Variants in CARD8 observed in about 807,000 individuals in gnomAD.
The protein encoded by CARD8 is caspase recruitment domain-containing protein 8.
CARD8 carries 38 observed loss-of-function variants against 53.2 expected under a neutral mutation model. The ratio of observed to expected loss-of-function variants is 0.71; its 90% CI spans 0.55 to 0.94. CARD8 has a LOEUF of 0.94. Among genes scored for constraint, CARD8 ranks in the 40% least tolerant of loss-of-function variants. CARD8 has a pLI of 0.00. For missense variants in CARD8, 561 were observed against 655.5 expected (o/e 0.86, Z 1.57); for synonymous variants, 245 against 244.9 (o/e 1.00, Z 0.00).
At chr19:48,250,459 CT>C (rs1295578357) in intron 1 of CARD8, among the ~76,000 whole-genome samples, 4 of 152,228 alleles carry the variant, frequency 2.6e-5, no homozygotes, top group African/African-American at 4.8e-5. Flanking sequence ...AAGACCCCCC[CT>C]CTTCATGGCT....
intron 4 of CARD8, 35 bp from the exon 5 acceptor site, chr19:48,238,567 T>A: frequency 2.0e-6 from 3 of 1,531,062 alleles, no homozygotes; most frequent in Non-Finnish European, 1.7e-6. Context: ...AATGTGAGCA[T>A]GTCAGAGGAG....
At chr19:48,232,887 ATC>A (rs2043172942) in intron 6 of CARD8, 1 of 425,042 alleles carries the variant, frequency 2.4e-6, no homozygotes, top group East Asian at 6.9e-5. Flanking sequence ...GTGTCTTGAC[ATC>A]TCTCCTTCTT....
intron 12 of CARD8, among the ~76,000 whole-genome samples, 184 bp downstream of exon 12, chr19:48,218,687 A>G (rs2039877850): frequency 1.3e-5 from 2 of 151,816 alleles, no homozygotes; most frequent in African/African-American, 4.8e-5. Context: ...CTCCCTTCCC[A>G]CATCACCCAA....
At position 48,235,142 on chromosome 19, in the gene CARD8, G is replaced by A. The variant is rs549832711; in HGVS notation, c.210-599C>T. Reference sequence around the variant, plus strand: ...GTACACACTTTCTTTTCCCATCAAGGATCCTTATTCAGATATGGAACATGA... The same window carrying A: ...GTACACACTTTCTTTTCCCATCAAGAATCCTTATTCAGATATGGAACATGA... On this transcript the variant is annotated intron_variant, in intron 5 of 13. Coordinates refer to ENST00000651546, the MANE Select transcript of CARD8 (RefSeq NM_001184900.3). Among the ~76,000 whole-genome samples the A allele has an allele frequency of 7.2e-5, 11 of 152,204 alleles. No homozygotes were observed. In the East Asian group the frequency reaches 2.1e-3, roughly 29 times the overall value.
chr19:48,222,509 C>T (rs1211136253), intron 10 of CARD8, among the ~76,000 whole-genome samples: 3 of 152,006 alleles, frequency 2.0e-5, no homozygotes, highest in African/African-American at 7.3e-5. Context: ...GCCAGCATGG[C>T]GAAACCCCGT....
intron 10 of CARD8, chr19:48,223,687 G>A (rs146077170): frequency 2.3e-5 from 8 of 349,482 alleles, no homozygotes; most frequent in African/African-American, 8.6e-5. Flanking sequence ...TTATGATTAC[G>A]GACAGATTTC....
chr19:48,239,934 T>C (rs1020259394), intron 4 of CARD8, among the ~76,000 whole-genome samples: 13 of 152,232 alleles, frequency 8.5e-5, no homozygotes, highest in African/African-American at 2.2e-4. Flanking sequence ...TGTCCAAGCA[T>C]GGGGAAAGAG....
intron 10 of CARD8, among the ~76,000 whole-genome samples, chr19:48,227,781 T>C (rs11880769): frequency 0.041 from 5,879 of 143,716 alleles, 386 homozygotes; most frequent in African/African-American, 0.14. Context: ...CCAGCCTGGG[T>C]GAGAGGGCTA....
chr19:48,227,287 T>C (rs1347532529), intron 10 of CARD8, among the ~76,000 whole-genome samples: 1 of 152,102 alleles, frequency 6.6e-6, no homozygotes, highest in Non-Finnish European at 1.5e-5. Context: ...GAGGGGAGGT[T>C]GGCGGTTCCA....
downstream of CARD8, among the ~76,000 whole-genome samples, chr19:48,207,732 C>CTGTTTTTTTT (rs1194788071): frequency 3.1e-4 from 28 of 91,268 alleles, no homozygotes; most frequent in Non-Finnish European, 5.1e-4. Flanking sequence ...TGTTGTTTTT[C>CTGTTTTTTTT]TGTTTTTTTT....
At chr19:48,207,734 G>GTTTTTTTTTTTTTGTT (rs1555790116), downstream of CARD8, among the ~76,000 whole-genome samples, 67 of 116,508 alleles carry the variant, frequency 5.8e-4, 1 homozygote, top group Middle Eastern at 4.4e-3. Flanking sequence ...TTGTTTTTCT[G>GTTTTTTTTTTTTTGTT]TTTTTTTTTT....
Position 48,210,454 on chromosome 19 carries a change from A to G in CARD8, c.*1256T>C, listed in dbSNP as rs2037794423. Reference sequence around the variant, plus strand: ...AAAAACATAACAGATTACTCTTCTCATGAGTTTTTTAAATCTTCTGAGTGA... The same window carrying G: ...AAAAACATAACAGATTACTCTTCTCGTGAGTTTTTTAAATCTTCTGAGTGA... On this transcript the variant is annotated 3_prime_UTR_variant, in exon 14 of 14. Transcript: ENST00000651546. 6.6e-6 allele frequency: 1 copy of G among 152,188 alleles called. No individual in the cohort carries two copies. The highest frequency in any genetic ancestry group is 1.5e-5 in the Non-Finnish European group (1 of 68,020). 9.4% of individuals were successfully genotyped at this position (152,188 alleles called of 1,614,324 possible).
chr19:48,218,879 A>AC lies in CARD8; in HGVS notation c.1294dup (p.Val432GlyfsTer43). ...CTCGCCCACTCACCTACCTGGCTTC[A>AC]CCTCAGTATCCCACACCAAAGTCCC... is the stretch of plus-strand genomic sequence containing the variant. On this transcript the variant is annotated frameshift_variant, in exon 12 of 14. Transcript: ENST00000651546. LOFTEE classifies it high-confidence loss of function. 1 of 1,614,158 alleles carries AC rather than the reference A, an allele frequency of 6.2e-7. No homozygotes were observed. The highest frequency in any genetic ancestry group is 8.5e-7 in the Non-Finnish European group (1 of 1,180,000).
At chr19:48,232,431 C>T (rs1054969306) in intron 7 of CARD8, 22 bp downstream of exon 7, 1 of 1,531,052 alleles carries the variant, frequency 6.5e-7, no homozygotes, top group African/African-American at 1.4e-5. Context: ...GCCCTTCACT[C>T]CTCTCCCTAT....
At chr19:48,224,537 T>C (rs574247331) in intron 10 of CARD8, among the ~76,000 whole-genome samples, 1 of 152,208 alleles carries the variant, frequency 6.6e-6, no homozygotes, top group South Asian at 2.1e-4. Flanking sequence ...AGCTGGCCAG[T>C]GGTTATAGAG....
intron 5 of CARD8, among the ~76,000 whole-genome samples, chr19:48,235,373 T>A (rs148587822): frequency 6.6e-6 from 1 of 152,300 alleles, no homozygotes; most frequent in Non-Finnish European, 1.5e-5. Flanking sequence ...AGTTCCTCCT[T>A]TGAAGTAGCC....
At chr19:48,255,063 A>G (rs572610918) in intron 1 of CARD8, among the ~76,000 whole-genome samples, 2 of 152,308 alleles carry the variant, frequency 1.3e-5, no homozygotes, top group South Asian at 4.1e-4. Flanking sequence ...GCAATGCTCT[A>G]TTCCCAAATA....
At chr19:48,246,210 T>C (rs149811283) in intron 3 of CARD8, among the ~76,000 whole-genome samples, 4,768 of 152,302 alleles carry the variant, frequency 0.031, 106 homozygotes, top group Non-Finnish European at 0.05. Flanking sequence ...CTTTGATGTT[T>C]TCTCACGATT....
At chr19:48,240,919 G>A (rs948256935) in intron 4 of CARD8, 43 bp downstream of exon 4, 6 of 1,449,282 alleles carry the variant, frequency 4.1e-6, no homozygotes, top group Non-Finnish European at 5.6e-6. Flanking sequence ...AAACACAGAA[G>A]AATCAGCCAT....
Sources: gnomAD v4.1 joint callset for allele counts (sites outside exome capture counted in the v4.1 genomes callset) on GRCh38, gnomAD v4.1.1 for gene constraint, MANE v1.5 for transcripts, NCBI Gene and HGNC (gene_info 2026-07-23, HGNC 2026-07-21) for gene names.